The following MIPOL1 variants were observed in gnomAD, a reference collection of about 807,000 sequenced individuals.
MIPOL1 encodes the protein mirror-image polydactyly 1.
In MIPOL1, 57 loss-of-function variants were observed where a neutral mutation model predicts 60.9. The ratio of observed to expected loss-of-function variants is 0.94; its 90% CI spans 0.76 to 1.17. The LOEUF (loss-of-function observed/expected upper bound fraction) is 1.17, where lower values mean the gene tolerates loss of function less well. Ranked by LOEUF, MIPOL1 falls within the 50% of genes most tolerant of loss-of-function variation. The probability of loss-of-function intolerance (pLI) is 0.00; values close to 1 mark genes in which losing one functional copy is unlikely to be tolerated. For synonymous variants in MIPOL1, 179 were observed against 168.8 expected, an observed-to-expected ratio of 1.06 and a Z score of -0.47; for missense variants, 551 against 511.6, an observed-to-expected ratio of 1.08 and a Z score of -0.74.
chr14:37,528,245 C>T (rs540418751), intron 12 of MIPOL1, among the ~76,000 whole-genome samples: 5 of 151,882 alleles, frequency 3.3e-5, no homozygotes, highest in Non-Finnish European at 7.4e-5. Context: ...TTTCACTTAG[C>T]ATATTATGAA....
At chr14:37,544,365 A>G (rs574082952) in intron 12 of MIPOL1, among the ~76,000 whole-genome samples, 16 of 152,284 alleles carry the variant, frequency 1.1e-4, no homozygotes, top group African/African-American at 3.8e-4. Flanking sequence ...ACAACCTTGT[A>G]TAAGGGTTTA....
At chr14:37,282,525 A>T (rs967756566) in intron 6 of MIPOL1, among the ~76,000 whole-genome samples, 3 of 151,974 alleles carry the variant, frequency 2.0e-5, no homozygotes, top group East Asian at 3.9e-4. Context: ...GAATCACTTG[A>T]GCCCAGGAGT....
chr14:37,445,827 A>G (rs1252251956), intron 11 of MIPOL1, among the ~76,000 whole-genome samples: 1 of 152,228 alleles, frequency 6.6e-6, no homozygotes, highest in Non-Finnish European at 1.5e-5. Flanking sequence ...TGGGGAAAGG[A>G]TTCCCTGTTT....
chr14:37,308,320 G>T, intron 8 of MIPOL1, 29 bp from the exon 9 acceptor site: 1 of 1,476,194 alleles, frequency 6.8e-7, no homozygotes. Flanking sequence ...AAAACTTCAT[G>T]TCTGACTAAC....
intron 10 of MIPOL1, among the ~76,000 whole-genome samples, chr14:37,422,147 A>G: frequency 6.6e-6 from 1 of 152,066 alleles, no homozygotes. Context: ...AGGGTGGCAA[A>G]TTCTTTTTAA....
chr14:37,524,589 A>C (rs1379450640), intron 12 of MIPOL1, among the ~76,000 whole-genome samples: 1 of 93,048 alleles, frequency 1.1e-5, no homozygotes, highest in African/African-American at 4.8e-5. Context: ...TTTTTTTGAG[A>C]TGGAGTCTCA....
intron 12 of MIPOL1, among the ~76,000 whole-genome samples, chr14:37,540,412 TATATATTC>T (rs1316193717): frequency 6.6e-5 from 10 of 152,250 alleles, no homozygotes; most frequent in Non-Finnish European, 1.3e-4. Context: ...GTAGTGTCTG[TATATATTC>T]ATAAATATGT....
chr14:37,215,691 T>A (rs910618877), intron 1 of MIPOL1, among the ~76,000 whole-genome samples: 1 of 152,170 alleles, frequency 6.6e-6, no homozygotes, highest in Non-Finnish European at 1.5e-5. Context: ...AGACATAGCA[T>A]GGCTGAATTG....
At chr14:37,437,602 A>T (rs2094181912) in intron 11 of MIPOL1, among the ~76,000 whole-genome samples, 3 of 151,972 alleles carry the variant, frequency 2.0e-5, no homozygotes, top group Non-Finnish European at 2.9e-5. Flanking sequence ...CTTTTGTATG[A>T]TACAGTGTTT....
At chr14:37,536,133 A>T (rs573822785) in intron 12 of MIPOL1, among the ~76,000 whole-genome samples, 1 of 152,186 alleles carries the variant, frequency 6.6e-6, no homozygotes, top group African/African-American at 2.4e-5. Flanking sequence ...ATTAATTTTG[A>T]AGTTATAGGA....
chr14:37,426,615 AAT>A (rs1230727940), intron 11 of MIPOL1, among the ~76,000 whole-genome samples: 3 of 140,046 alleles, frequency 2.1e-5, no homozygotes, highest in Non-Finnish European at 3.1e-5. Context: ...ATACATATAT[AAT>A]ATGTATATAT....
At chr14:37,317,468 T>C (rs1341866153) in intron 9 of MIPOL1, among the ~76,000 whole-genome samples, 2 of 152,112 alleles carry the variant, frequency 1.3e-5, no homozygotes, top group Non-Finnish European at 2.9e-5. Flanking sequence ...GTAGTAGATA[T>C]TTGATTTTAA....
chr14:37,423,916 C>T (rs2093918248), intron 11 of MIPOL1: 1 of 151,980 alleles, frequency 6.6e-6, no homozygotes, highest in South Asian at 2.1e-4. Context: ...AGTTTCAAGC[C>T]AGTGATGACT....
At chr14:37,254,469 G>GT (rs1974598350) in intron 3 of MIPOL1, among the ~76,000 whole-genome samples, 1 of 151,710 alleles carries the variant, frequency 6.6e-6, no homozygotes, top group Non-Finnish European at 1.5e-5. Flanking sequence ...TTAAAAAATA[G>GT]AGTTTATCTT....
chr14:37,267,682 A>C (rs776835464), intron 4 of MIPOL1, among the ~76,000 whole-genome samples: 23 of 152,174 alleles, frequency 1.5e-4, no homozygotes, highest in Admixed American at 2.6e-4. Flanking sequence ...AAAAAGCACA[A>C]AGTGCATCTG....
chr14:37,470,109 G>T (rs1264438559), intron 11 of MIPOL1, among the ~76,000 whole-genome samples: 1 of 152,160 alleles, frequency 6.6e-6, no homozygotes, highest in Non-Finnish European at 1.5e-5. Flanking sequence ...GGAGGAAGAA[G>T]AGAAAGAGCC....
At chr14:37,436,505 G>T (rs574669720) in intron 11 of MIPOL1, among the ~76,000 whole-genome samples, 1 of 152,124 alleles carries the variant, frequency 6.6e-6, no homozygotes, top group African/African-American at 2.4e-5. Flanking sequence ...AATAATTGAA[G>T]ACCTTTGTTC....
intron 11 of MIPOL1, among the ~76,000 whole-genome samples, chr14:37,481,591 AC>A (rs1290198659): frequency 1.3e-3 from 190 of 151,046 alleles, no homozygotes; most frequent in African/African-American, 4.2e-3. Context: ...ACACACACAC[AC>A]ACACACACAC....
intron 11 of MIPOL1, among the ~76,000 whole-genome samples, chr14:37,426,594 TACACACACACATAC>T (rs2093969883): frequency 1.8e-4 from 22 of 125,326 alleles, no homozygotes; most frequent in Non-Finnish European, 2.5e-4. Flanking sequence ...TATATATATA[TACACACACACATAC>T]ATATATAATA....
Sources: gnomAD v4.1 joint callset for allele counts (sites outside exome capture counted in the v4.1 genomes callset) on GRCh38, gnomAD v4.1.1 for gene constraint, MANE v1.5 for transcripts, NCBI Gene and HGNC (gene_info 2026-07-23, HGNC 2026-07-21) for gene names.